MAGI1: variants seen among roughly 807,000 people sequenced by gnomAD.
MAGI1 encodes the protein membrane-associated guanylate kinase, WW and PDZ domain-containing protein 1.
In MAGI1, 58 loss-of-function variants were observed where a neutral mutation model predicts 139.9. That is an observed-to-expected ratio of 0.41 (90% confidence interval 0.34 to 0.52). The LOEUF (loss-of-function observed/expected upper bound fraction) is 0.52, where lower values mean the gene tolerates loss of function less well. MAGI1 is among the 20% of genes least tolerant of loss of function. MAGI1 has a pLI of 0.12. For synonymous variants in MAGI1, 812 were observed against 737.9 expected (o/e 1.10, Z -1.63); for missense variants, 1,874 against 1,901.6 (o/e 0.99, Z 0.27).
rs557033278 is a variant in MAGI1 at position 65,971,667 on chromosome 3, G to C, written c.313+66329C>G. Among the ~76,000 whole-genome samples the C allele has an allele frequency of 1.7e-4, 26 of 152,268 alleles. No individual in the cohort carries two copies. In the East Asian group the frequency reaches 4.8e-3, roughly 28 times the overall value. On this transcript the variant is annotated intron_variant, in intron 1 of 22. Transcript: ENST00000402939. ...CAGGAGCCCTGTTATCATCTACAAA[G>C]ACTCGTGAAGCAGACTCGGGCACAT...
intron 1 of MAGI1, among the ~76,000 whole-genome samples, chr3:65,905,239 T>C (rs942348534): frequency 6.6e-6 from 1 of 152,188 alleles, no homozygotes; most frequent in African/African-American, 2.4e-5. Context: ...GACCAGCTGT[T>C]TCTTATTTCC....
chr3:65,824,563 T>C lies in MAGI1; in HGVS notation c.314-202475A>G, dbSNP rs542661543. On this transcript the variant is annotated intron_variant, in intron 1 of 22. Coordinates refer to ENST00000402939, the MANE Select transcript of MAGI1 (RefSeq NM_001033057.2). ...AACTAAGTTGTAGAAAGAATTTGTG[T>C]GTCTTTATCTTCAAAAATAAATCTG... 7.6e-4 allele frequency among the ~76,000 whole-genome samples: 116 copies of C among 152,346 alleles called. 1 individual carries two copies. In the South Asian group the frequency reaches 0.023, roughly 31 times the overall value.
chr3:65,432,255 A>C (rs573595719), intron 10 of MAGI1, among the ~76,000 whole-genome samples: 1 of 152,156 alleles, frequency 6.6e-6, no homozygotes, highest in Admixed American at 6.5e-5. Flanking sequence ...CTTACTTCTT[A>C]TACCCTGTCC....
At chr3:65,509,668 C>T (rs1329589024) in intron 2 of MAGI1, among the ~76,000 whole-genome samples, 1 of 152,134 alleles carries the variant, frequency 6.6e-6, no homozygotes, top group Non-Finnish European at 1.5e-5. Flanking sequence ...CACGGAATCT[C>T]GCTGATTGCT....
At chr3:65,799,415 C>T (rs531675614) in intron 1 of MAGI1, among the ~76,000 whole-genome samples, 21 of 152,232 alleles carry the variant, frequency 1.4e-4, no homozygotes, top group Admixed American at 1.3e-3. Context: ...TTGCAAGTAG[C>T]GAATGGTTGT....
At chr3:65,414,566 C>T (rs1946045281) in intron 12 of MAGI1, among the ~76,000 whole-genome samples, 1 of 152,172 alleles carries the variant, frequency 6.6e-6, no homozygotes, top group Admixed American at 6.5e-5. Context: ...CTGTTCTATT[C>T]TCAACCTCCT....
chr3:65,979,098 C>CCA (rs1560076386), intron 1 of MAGI1, among the ~76,000 whole-genome samples: 1 of 102,442 alleles, frequency 9.8e-6, no homozygotes, highest in Non-Finnish European at 1.9e-5. Flanking sequence ...TCCCCCCCCC[C>CCA]GCCACCCCCC....
intron 10 of MAGI1, among the ~76,000 whole-genome samples, chr3:65,434,287 T>A (rs1947677055): frequency 1.3e-5 from 2 of 152,046 alleles, no homozygotes; most frequent in African/African-American, 4.8e-5. Flanking sequence ...TGGCAGATAA[T>A]GTAGGTAAAG....
chr3:65,911,365 C>T (rs1457603161), intron 1 of MAGI1, among the ~76,000 whole-genome samples: 5 of 152,106 alleles, frequency 3.3e-5, no homozygotes, highest in African/African-American at 1.2e-4. Context: ...CTCCGGGGGA[C>T]GCTCTACAGA....
At chr3:65,807,588 T>G (rs2040943174) in intron 1 of MAGI1, among the ~76,000 whole-genome samples, 1 of 152,174 alleles carries the variant, frequency 6.6e-6, no homozygotes, top group Non-Finnish European at 1.5e-5. Flanking sequence ...TTAACTAACA[T>G]GCTATATATT....
intron 2 of MAGI1, among the ~76,000 whole-genome samples, chr3:65,502,973 C>T (rs927051827): frequency 2.0e-5 from 3 of 152,014 alleles, no homozygotes; most frequent in African/African-American, 7.2e-5. Context: ...TACAGGTAAT[C>T]CCAGATGAGA....
chr3:65,829,526 T>G (rs181062887), intron 1 of MAGI1, among the ~76,000 whole-genome samples: 1 of 152,216 alleles, frequency 6.6e-6, no homozygotes, highest in Admixed American at 6.5e-5. Context: ...CCAGACATCA[T>G]ATCTGCTGGT....
chr3:65,421,349 T>C (rs1394587697), intron 12 of MAGI1, among the ~76,000 whole-genome samples: 2 of 152,184 alleles, frequency 1.3e-5, no homozygotes, highest in Non-Finnish European at 2.9e-5. Context: ...CTTGAACAAC[T>C]TTTAACAGCT....
rs528358576 is a variant in MAGI1 at position 65,375,983 on chromosome 3, G to A, written c.2996-38C>T. 174 of 1,500,752 alleles carry A rather than the reference G, an allele frequency of 1.2e-4. No individual in the cohort carries two copies. In the East Asian group the frequency reaches 2.3e-3, roughly 20 times the overall value. 93.0% of individuals were successfully genotyped at this position (1,500,752 alleles called of 1,614,324 possible). A position where few individuals can be genotyped will look rare whatever the true frequency, so the allele number is the denominator to read the frequency against. The stretch of plus-strand genomic sequence containing the variant: ...TGAGTTTTAATTTTTTTAAAGTTAC[G>A]TGGGAATATAGCAAAGGGAAGAGAA... On this transcript the variant is annotated intron_variant, in intron 17 of 22. Transcript: ENST00000402939.
chr3:65,913,901 C>T (rs942780102), intron 1 of MAGI1, among the ~76,000 whole-genome samples: 3 of 152,104 alleles, frequency 2.0e-5, no homozygotes, highest in African/African-American at 7.2e-5. Flanking sequence ...TCAAGGGGTT[C>T]TAACACTCCT....
chr3:65,790,146 C>T (rs9818064), intron 1 of MAGI1, among the ~76,000 whole-genome samples: 1 of 152,154 alleles, frequency 6.6e-6, no homozygotes, highest in South Asian at 2.1e-4. Flanking sequence ...ACAGGCTAGG[C>T]AAGTTTACGC....
chr3:65,970,791 A>G (rs769991799), intron 1 of MAGI1, among the ~76,000 whole-genome samples: 1 of 152,252 alleles, frequency 6.6e-6, no homozygotes, highest in Non-Finnish European at 1.5e-5. Flanking sequence ...AGTCAGATAC[A>G]TTAAGTCTCA....
At chr3:65,742,458 T>C (rs1054588057) in intron 1 of MAGI1, among the ~76,000 whole-genome samples, 1 of 152,168 alleles carries the variant, frequency 6.6e-6, no homozygotes, top group Non-Finnish European at 1.5e-5. Context: ...GACTTGGGGC[T>C]CCACCATGAA....
At chr3:65,601,462 T>G (rs1378663786) in intron 2 of MAGI1, among the ~76,000 whole-genome samples, 3 of 152,126 alleles carry the variant, frequency 2.0e-5, no homozygotes, top group Admixed American at 2.0e-4. Flanking sequence ...TATTAGAGAA[T>G]AAGAGAGACA....
Sources: allele counts gnomAD v4.1 joint callset (sites outside exome capture counted in the v4.1 genomes callset), GRCh38; gene constraint gnomAD v4.1.1; transcripts MANE v1.5; gene names NCBI Gene and HGNC (gene_info 2026-07-23, HGNC 2026-07-21).